The following CNTNAP5 variants were observed in gnomAD, a reference collection of about 807,000 sequenced individuals.
CNTNAP5 encodes contactin-associated protein-like 5.
In CNTNAP5, 72 loss-of-function variants were observed where a neutral mutation model predicts 150.2. The observed-to-expected ratio is 0.48, with a 90% CI of 0.40 to 0.58. The LOEUF is 0.58. Among genes scored for constraint, CNTNAP5 ranks in the 20% least tolerant of loss-of-function variants. The probability of loss-of-function intolerance (pLI) is 0.00; values close to 1 mark genes in which losing one functional copy is unlikely to be tolerated. For synonymous variants in CNTNAP5, 672 were observed against 619.8 expected (o/e 1.08, Z -1.25); for missense variants, 1,636 against 1,626.2 (o/e 1.01, Z -0.10).
At chr2:124,057,565 C>T (rs1573723125) in intron 1 of CNTNAP5, among the ~76,000 whole-genome samples, 2 of 149,790 alleles carry the variant, frequency 1.3e-5, no homozygotes, top group East Asian at 4.0e-4. Flanking sequence ...GCTGGGATTA[C>T]AGGCATGAGC....
intron 2 of CNTNAP5, among the ~76,000 whole-genome samples, chr2:124,237,928 G>C (rs1485624467): frequency 6.6e-6 from 1 of 152,118 alleles, no homozygotes. Context: ...TAAGATGTTG[G>C]TTCCTATTGA....
At chr2:124,618,088 G>A (rs1677528128) in intron 12 of CNTNAP5, among the ~76,000 whole-genome samples, 1 of 152,132 alleles carries the variant, frequency 6.6e-6, no homozygotes, top group Non-Finnish European at 1.5e-5. Context: ...AGAAGAGAAA[G>A]GATCAAATTG....
intron 1 of CNTNAP5, among the ~76,000 whole-genome samples, chr2:124,077,472 ACAAT>A (rs1558747166): frequency 6.6e-6 from 1 of 152,134 alleles, no homozygotes. Context: ...TCACTTAAAA[ACAAT>A]CTGTCTACCT....
At chr2:124,326,558 G>A (rs1021348616) in intron 3 of CNTNAP5, among the ~76,000 whole-genome samples, 3 of 152,174 alleles carry the variant, frequency 2.0e-5, no homozygotes, top group Admixed American at 2.0e-4. Context: ...TTCCTTCAGA[G>A]AGGAAATCTC....
In CNTNAP5 at chr2:124,226,216, A is replaced by G. The variant is rs985017118; in HGVS notation, c.187+4407A>G. On this transcript the variant is annotated intron_variant, in intron 2 of 23. Transcript: ENST00000682447. ...GTTTCTTATAACTATGCTAATTTAC[A>G]TTCCCAACAACAGTGTAAAAGAGTT... is the stretch of plus-strand genomic sequence containing the variant. Among the ~76,000 whole-genome samples the G allele has an allele frequency of 2.1e-4, 32 of 151,150 alleles. No homozygotes were observed. The South Asian group carries it at 2.5e-3, about 12-fold the overall frequency.
chr2:124,081,167 G>A (rs1003293396), intron 1 of CNTNAP5, among the ~76,000 whole-genome samples: 2 of 151,474 alleles, frequency 1.3e-5, no homozygotes, highest in African/African-American at 4.8e-5. Flanking sequence ...TAGATGTACT[G>A]GTTTTTTTTT....
At chr2:124,342,859 T>G (rs549845432) in intron 3 of CNTNAP5, among the ~76,000 whole-genome samples, 1 of 152,280 alleles carries the variant, frequency 6.6e-6, no homozygotes, top group African/African-American at 2.4e-5. Flanking sequence ...TGGTTTTTCA[T>G]GAGTTCAGTC....
At chr2:124,081,880 C>G (rs1443639938) in intron 1 of CNTNAP5, among the ~76,000 whole-genome samples, 1 of 152,152 alleles carries the variant, frequency 6.6e-6, no homozygotes, top group African/African-American at 2.4e-5. Flanking sequence ...TCCTGTAGTA[C>G]AATATCACAA....
chr2:124,204,063 C>A (rs925896610), intron 1 of CNTNAP5, among the ~76,000 whole-genome samples: 1 of 152,122 alleles, frequency 6.6e-6, no homozygotes, highest in East Asian at 1.9e-4. Context: ...GGTTCCAATT[C>A]CAAATCATAT....
intron 3 of CNTNAP5, among the ~76,000 whole-genome samples, chr2:124,355,176 T>C (rs577491974): frequency 7.2e-5 from 11 of 152,050 alleles, no homozygotes; most frequent in Non-Finnish European, 4.4e-5. Flanking sequence ...AGTAGATGTC[T>C]ACAAAAAATA....
intron 1 of CNTNAP5, among the ~76,000 whole-genome samples, chr2:124,142,829 C>A (rs1684151479): frequency 6.6e-6 from 1 of 150,692 alleles, no homozygotes; most frequent in South Asian, 2.1e-4. Context: ...AAAAACCCTT[C>A]AAAAAAATCA....
intron 3 of CNTNAP5, among the ~76,000 whole-genome samples, chr2:124,290,877 T>C (rs546249926): frequency 0.022 from 669 of 30,762 alleles, 5 homozygotes; most frequent in African/African-American, 0.11. Flanking sequence ...TTCCTTCCTT[T>C]ATTTATTTAT....
chr2:124,753,153 G>C (rs1013802928), intron 14 of CNTNAP5, among the ~76,000 whole-genome samples: 7 of 152,106 alleles, frequency 4.6e-5, no homozygotes, highest in Admixed American at 4.6e-4. Flanking sequence ...AAAATAGGAA[G>C]AGAAAATGAT....
rs1285882159 is a variant in CNTNAP5, at chr2:124,747,259, G to A, written c.2108G>A (p.Arg703Gln). Residue 703 changes from arginine to glutamine, a missense_variant, in exon 14 of 24, where the codon CGG becomes CAG. Coordinates refer to ENST00000682447, the MANE Select transcript of CNTNAP5 (RefSeq NM_001367498.1). ...ACACCATTTACCTGGTGGATTGGGC[G>A]GTCCAATGAAAGGCACCCTTACTGG... ...DGTPFTWWIG[R>Q]SNERHPYWGG... 17 of 1,613,488 alleles carry A rather than the reference G, an allele frequency of 1.1e-5. No homozygotes were observed. Among genetic ancestry groups the A allele is most frequent in the East Asian group, 4.5e-5 (2 of 44,750 alleles).
intron 21 of CNTNAP5, among the ~76,000 whole-genome samples, chr2:124,883,925 T>A (rs183373949): frequency 1.6e-4 from 24 of 152,074 alleles, no homozygotes; most frequent in African/African-American, 5.3e-4. Context: ...TGTGTGTAAA[T>A]GTATGTCTGT....
At position 124,221,821 on chromosome 2, in the gene CNTNAP5, G is replaced by A; in HGVS notation, c.187+12G>A. Reference sequence around the variant, plus strand: ...CAACTGGAGAGTTGGTAAGTAGGCTGACTGAAATCCTAATGCCAAGCACTA... The same window carrying A: ...CAACTGGAGAGTTGGTAAGTAGGCTAACTGAAATCCTAATGCCAAGCACTA... On this transcript the variant is annotated intron_variant, in intron 2 of 23. Transcript: ENST00000682447. 2 of 1,550,594 alleles carry A rather than the reference G, an allele frequency of 1.3e-6. No individual in the cohort carries two copies. The highest frequency in any genetic ancestry group is 1.8e-6 in the Non-Finnish European group (2 of 1,128,808).
intron 3 of CNTNAP5, among the ~76,000 whole-genome samples, chr2:124,284,970 T>G (rs943977059): frequency 5.3e-5 from 8 of 152,108 alleles, no homozygotes; most frequent in African/African-American, 1.9e-4. Context: ...CAGGCTGGAG[T>G]GCAATGGCAT....
chr2:124,839,186 T>C (rs745454971), intron 19 of CNTNAP5, among the ~76,000 whole-genome samples: 2 of 152,014 alleles, frequency 1.3e-5, no homozygotes, highest in Non-Finnish European at 2.9e-5. Flanking sequence ...GCAGAGGTTC[T>C]CCTATGAGGG....
intron 3 of CNTNAP5, among the ~76,000 whole-genome samples, chr2:124,274,612 G>GT (rs1687841634): frequency 6.6e-6 from 1 of 152,198 alleles, no homozygotes; most frequent in African/African-American, 2.4e-5. Flanking sequence ...AGAGAGGAAT[G>GT]TTTGCATGTG....
Sources: gnomAD v4.1 joint callset for allele counts (sites outside exome capture counted in the v4.1 genomes callset) on GRCh38, gnomAD v4.1.1 for gene constraint, MANE v1.5 for transcripts, NCBI Gene and HGNC (gene_info 2026-07-23, HGNC 2026-07-21) for gene names.